The following PCDH9 variants were observed in gnomAD, a reference collection of about 807,000 sequenced individuals.
PCDH9 encodes protocadherin-9.
Under a neutral mutation model 70.6 loss-of-function variants are expected in PCDH9, and 24 were observed. The observed-to-expected ratio is 0.34, with a 90% CI of 0.25 to 0.48. The LOEUF is 0.48. Among genes scored for constraint, PCDH9 ranks in the 20% least tolerant of loss-of-function variants. The pLI is 0.99. For synonymous variants in PCDH9, 562 were observed against 558.5 expected (o/e 1.01, Z -0.09); for missense variants, 1,281 against 1,503.6 (o/e 0.85, Z 2.45).
chr13:66,398,041 G>A (rs1040104100), intron 4 of PCDH9, among the ~76,000 whole-genome samples: 3 of 151,862 alleles, frequency 2.0e-5, no homozygotes, highest in African/African-American at 7.3e-5. Context: ...TTATACCATA[G>A]AACATCATTT....
intron 2 of PCDH9, among the ~76,000 whole-genome samples, chr13:67,105,542 G>A (rs9529186): frequency 0.12 from 18,462 of 151,934 alleles, 1,198 homozygotes; most frequent in African/African-American, 0.15. Context: ...AAATAAATGT[G>A]TGCTTTTTTT....
chr13:67,064,638 T>TA (rs2085605841), intron 2 of PCDH9, among the ~76,000 whole-genome samples: 1 of 152,148 alleles, frequency 6.6e-6, no homozygotes, highest in African/African-American at 2.4e-5. Context: ...CAATTTTACT[T>TA]ACAATAATCC....
At chr13:66,434,436 A>T (rs1274335117) in intron 4 of PCDH9, among the ~76,000 whole-genome samples, 2 of 152,048 alleles carry the variant, frequency 1.3e-5, no homozygotes, top group Non-Finnish European at 2.9e-5. Context: ...CTAATATTAC[A>T]TATCACGTAT....
At chr13:66,834,691 C>G (rs1262968653) in intron 3 of PCDH9, among the ~76,000 whole-genome samples, 1 of 152,144 alleles carries the variant, frequency 6.6e-6, no homozygotes, top group Non-Finnish European at 1.5e-5. Context: ...ATTAACCTTT[C>G]TGGTTGTGTT....
intron 3 of PCDH9, among the ~76,000 whole-genome samples, chr13:66,900,931 T>C (rs889161431): frequency 6.6e-6 from 1 of 151,720 alleles, no homozygotes; most frequent in Admixed American, 6.6e-5. Context: ...GAATTAAATA[T>C]AATGAAAAAT....
intron 4 of PCDH9, among the ~76,000 whole-genome samples, chr13:66,537,176 C>T (rs1165443925): frequency 6.6e-6 from 1 of 151,988 alleles, no homozygotes; most frequent in East Asian, 1.9e-4. Context: ...TCGATGAGAA[C>T]CACTAGTTGC....
intron 4 of PCDH9, among the ~76,000 whole-genome samples, chr13:66,355,574 C>T (rs187170472): frequency 1.8e-4 from 27 of 152,210 alleles, no homozygotes; most frequent in Non-Finnish European, 3.7e-4. Context: ...TGTGCCTTAA[C>T]AGAAAGAGCA....
intron 4 of PCDH9, among the ~76,000 whole-genome samples, chr13:66,422,657 T>C (rs1192844671): frequency 1.3e-5 from 2 of 152,060 alleles, no homozygotes; most frequent in Non-Finnish European, 2.9e-5. Flanking sequence ...GCTAAAGCAG[T>C]GTTCAGAGGG....
At chr13:66,744,640 T>C (rs1321318820) in intron 3 of PCDH9, among the ~76,000 whole-genome samples, 1 of 152,038 alleles carries the variant, frequency 6.6e-6, no homozygotes, top group Non-Finnish European at 1.5e-5. Flanking sequence ...AATATATACA[T>C]ATATATAATT....
chr13:67,001,333 G>T (rs144353387), intron 2 of PCDH9, among the ~76,000 whole-genome samples: 1 of 152,190 alleles, frequency 6.6e-6, no homozygotes, highest in Non-Finnish European at 1.5e-5. Context: ...TGTCTTGAGA[G>T]TTTTAAGAAT....
chr13:66,319,724 G>T lies in PCDH9; in HGVS notation c.3341-14696C>A, dbSNP rs73505815. ...GCTATGGAGGATTCAAAAGAATCTA[G>T]CCAGGACACCAGAGAATGAAGAAAC... is the stretch of plus-strand genomic sequence containing the variant. On this transcript the variant is annotated intron_variant, in intron 4 of 4. Transcript: ENST00000377865. Among the ~76,000 whole-genome samples the T allele has an allele frequency of 9.4e-3, 1,428 of 152,090 alleles. 47 individuals carry two copies. Among genetic ancestry groups the T allele is most frequent in the African/African-American group, 0.032 (1,340 of 41,416 alleles).
chr13:66,997,155 G>A (rs1455470780), intron 2 of PCDH9, among the ~76,000 whole-genome samples: 1 of 152,108 alleles, frequency 6.6e-6, no homozygotes, highest in African/African-American at 2.4e-5. Flanking sequence ...TCGTTCATTT[G>A]CATTGCTATA....
At chr13:67,100,613 A>G (rs574553887) in intron 2 of PCDH9, among the ~76,000 whole-genome samples, 42 of 152,372 alleles carry the variant, frequency 2.8e-4, no homozygotes, top group African/African-American at 9.9e-4. Flanking sequence ...TGCAGTTTCT[A>G]TCATACCTCA....
intron 3 of PCDH9, among the ~76,000 whole-genome samples, chr13:66,721,394 T>C (rs1429831691): frequency 6.6e-6 from 1 of 152,208 alleles, no homozygotes; most frequent in Non-Finnish European, 1.5e-5. Flanking sequence ...TCTGAAGTCC[T>C]GCAGTAAAGA....
intron 2 of PCDH9, among the ~76,000 whole-genome samples, chr13:66,980,106 A>G (rs1309663400): frequency 6.6e-6 from 1 of 151,746 alleles, no homozygotes; most frequent in Admixed American, 6.6e-5. Flanking sequence ...CTATCTATCT[A>G]TCTATCTATC....
At chr13:66,958,560 TA>T (rs569717492) in intron 2 of PCDH9, among the ~76,000 whole-genome samples, 455 of 152,336 alleles carry the variant, frequency 3.0e-3, no homozygotes, top group African/African-American at 9.6e-3. Flanking sequence ...GAAGGGCTGA[TA>T]TTTTTTTCAC....
intron 4 of PCDH9, among the ~76,000 whole-genome samples, chr13:66,490,377 T>G (rs1374742166): frequency 6.6e-6 from 1 of 152,192 alleles, no homozygotes; most frequent in Non-Finnish European, 1.5e-5. Flanking sequence ...GTCGGCTTCA[T>G]GTGGTGCTGC....
intron 4 of PCDH9, among the ~76,000 whole-genome samples, chr13:66,429,173 T>G (rs1037894223): frequency 1.3e-5 from 2 of 151,856 alleles, no homozygotes; most frequent in African/African-American, 4.8e-5. Context: ...ACTATTGCAA[T>G]TTAGCAAAGA....
chr13:66,454,187 C>CTAAT (rs1204367574), intron 4 of PCDH9, among the ~76,000 whole-genome samples: 1 of 151,462 alleles, frequency 6.6e-6, no homozygotes, highest in African/African-American at 2.4e-5. Context: ...CTTTCTAAAA[C>CTAAT]TAATTTGCAG....
Sources: gnomAD v4.1 joint callset for allele counts (sites outside exome capture counted in the v4.1 genomes callset) on GRCh38, gnomAD v4.1.1 for gene constraint, MANE v1.5 for transcripts, NCBI Gene and HGNC (gene_info 2026-07-23, HGNC 2026-07-21) for gene names.